DZIP1: variants seen among roughly 807,000 people sequenced by gnomAD.
DZIP1 encodes DAZ interacting zinc finger protein 1, also known as cilium assembly protein DZIP1.
In DZIP1, 97 loss-of-function variants were observed where a neutral mutation model predicts 107.6. The ratio of observed to expected loss-of-function variants is 0.90; its 90% confidence interval spans 0.77 to 1.07. The LOEUF (loss-of-function observed/expected upper bound fraction) is 1.07, where lower values mean the gene tolerates loss of function less well. DZIP1 is among the 50% of genes least tolerant of loss of function. DZIP1 has a pLI of 0.00. For synonymous variants in DZIP1, 390 were observed against 386.4 expected (o/e 1.01, Z -0.11); for missense variants, 1,035 against 1,063.6 (o/e 0.97, Z 0.37).
chr13:95,582,213 A>G lies in DZIP1; in HGVS notation c.*21T>C, dbSNP rs1332397847. 1 of 1,611,172 alleles carries G rather than the reference A, an allele frequency of 6.2e-7. No homozygotes were observed. The highest frequency in any genetic ancestry group is 8.5e-7 in the Non-Finnish European group (1 of 1,177,460). Reference sequence around the variant, plus strand: ...TACTGAAATACTGCTGGCTTCTGGAATAATCTTCTGACATGTGGAATTAGA... The same window carrying G: ...TACTGAAATACTGCTGGCTTCTGGAGTAATCTTCTGACATGTGGAATTAGA... On this transcript the variant is annotated 3_prime_UTR_variant, in exon 23 of 23. Coordinates refer to ENST00000376829, the MANE Select transcript of DZIP1 (RefSeq NM_198968.4).
chr13:95,582,636 A>G (rs2044040558), intron 22 of DZIP1, among the ~76,000 whole-genome samples: 1 of 152,260 alleles, frequency 6.6e-6, no homozygotes, highest in Non-Finnish European at 1.5e-5. Flanking sequence ...GAAGGTGCTC[A>G]GTACATTTGT....
chr13:95,614,349 G>A (rs977276832), intron 10 of DZIP1, among the ~76,000 whole-genome samples: 10 of 152,250 alleles, frequency 6.6e-5, no homozygotes, highest in African/African-American at 2.4e-4. Context: ...CAGGCCCCTG[G>A]AAAAGTGGCC....
Position 95,590,410 on chromosome 13 carries a change from T to C in DZIP1, c.1712A>G (p.His571Arg). ...TGATTCCACACTTTTTAGTACTCTA[T>C]GCAACTGATCACTTGAAATGCCACG... ...DIRGISSDQL[H>R]RVLKSVESER... The change falls in exon 17 of 23, where the codon CAT (histidine) becomes CGT (arginine). Residue 571 changes from histidine to arginine, a missense_variant. Transcript: ENST00000376829. 6.2e-7 allele frequency: 1 copy of C among 1,611,436 alleles called. No homozygotes were observed. Among genetic ancestry groups the C allele is most frequent in the Non-Finnish European group, 8.5e-7 (1 of 1,179,408 alleles).
In DZIP1 at chr13:95,587,701, GCTC is replaced by G. The variant is rs2044200932; in HGVS notation, c.2053_2055del (p.Glu685del). 6.2e-7 allele frequency: 1 copy of G among 1,613,940 alleles called. No homozygotes were observed. The highest frequency in any genetic ancestry group is 8.5e-7 in the Non-Finnish European group (1 of 1,180,006). On this transcript the variant is annotated inframe_deletion, in exon 20 of 23. Coordinates refer to ENST00000376829, the MANE Select transcript of DZIP1 (RefSeq NM_198968.4). ...GCCCGGATGAGGTCGTCGTCCTCCT[GCTC>G]CTCCTCTGAACTAAAAGGAGGGGTC...
At chr13:95,609,159 C>T (rs961617537) in intron 13 of DZIP1, among the ~76,000 whole-genome samples, 39 of 152,286 alleles carry the variant, frequency 2.6e-4, no homozygotes, top group South Asian at 4.1e-4. Context: ...TAGTGTATCA[C>T]TTTGAGAAGT....
At chr13:95,584,032 AG>A in intron 22 of DZIP1, among the ~76,000 whole-genome samples, 1 of 151,958 alleles carries the variant, frequency 6.6e-6, no homozygotes, top group East Asian at 1.9e-4. Context: ...GCTGGAGTGC[AG>A]TGGCGTGATC....
chr13:95,636,319 G>C (rs1356814898), intron 5 of DZIP1, among the ~76,000 whole-genome samples: 1 of 152,080 alleles, frequency 6.6e-6, no homozygotes, highest in Non-Finnish European at 1.5e-5. Flanking sequence ...AAGGTGGGTG[G>C]ATCACCTGAG....
intron 19 of DZIP1, 109 bp downstream of exon 19, chr13:95,589,045 A>G: frequency 1.1e-6 from 1 of 883,396 alleles, no homozygotes; most frequent in Non-Finnish European, 1.8e-6. Flanking sequence ...TTATGATATT[A>G]AATAATTACG....
At chr13:95,596,082 T>C (rs2044449608) in intron 15 of DZIP1, among the ~76,000 whole-genome samples, 1 of 152,110 alleles carries the variant, frequency 6.6e-6, no homozygotes, top group South Asian at 2.1e-4. Flanking sequence ...TAGAGCACCC[T>C]TGGTAAAGAT....
In DZIP1 at chr13:95,641,629, G is replaced by A; in HGVS notation, c.263C>T (p.Thr88Met). The change falls in exon 5 of 23, where the codon ACG becomes ATG. Residue 88 changes from threonine to methionine, a missense_variant. Transcript: ENST00000376829. The surrounding 1 kb of genome is among the most constrained non-coding windows in gnomAD (Gnocchi z 4.3). The part of the protein sequence containing the change: ...DKVAGAVDVL[T>M]LQENIMNITF... ...GATGTTCATGATGTTCTCCTGCAGCGTCAGCACGTCCACAGCCCCCGCCAC... is the reference window on the plus strand; with the variant it reads ...GATGTTCATGATGTTCTCCTGCAGCATCAGCACGTCCACAGCCCCCGCCAC... The A allele has an allele frequency of 6.2e-7, 1 of 1,611,202 alleles. No individual in the cohort carries two copies. The highest frequency in any genetic ancestry group is 8.5e-7 in the Non-Finnish European group (1 of 1,180,024).
At chr13:95,626,886 G>C (rs1876605874) in intron 7 of DZIP1, among the ~76,000 whole-genome samples, 1 of 152,130 alleles carries the variant, frequency 6.6e-6, no homozygotes, top group African/African-American at 2.4e-5. Context: ...TAAATGGAAA[G>C]ACATCCCATG....
chr13:95,624,687 G>T, intron 8 of DZIP1, 81 bp downstream of exon 8: 1 of 1,253,358 alleles, frequency 8.0e-7, no homozygotes, highest in Non-Finnish European at 1.1e-6. Flanking sequence ...AGTAACTGCT[G>T]GATCCCCTGG....
intron 7 of DZIP1, among the ~76,000 whole-genome samples, chr13:95,625,544 A>G (rs1403967409): frequency 6.6e-6 from 1 of 152,206 alleles, no homozygotes; most frequent in Non-Finnish European, 1.5e-5. Flanking sequence ...TTAAGTCCAT[A>G]AAGTGTTTCT....
intron 9 of DZIP1, among the ~76,000 whole-genome samples, chr13:95,621,180 C>T (rs1169310550): frequency 4.6e-5 from 7 of 152,070 alleles, no homozygotes; most frequent in South Asian, 4.1e-4. Flanking sequence ...AGACAGGTCC[C>T]GAAAACTGGG....
intron 16 of DZIP1, among the ~76,000 whole-genome samples, chr13:95,592,766 C>A (rs910173817): frequency 2.6e-5 from 4 of 152,122 alleles, no homozygotes; most frequent in Admixed American, 1.3e-4. Flanking sequence ...TATATTCACA[C>A]AATAGAATGC....
chr13:95,589,954 G>A (rs1566364213), intron 17 of DZIP1, 22 bp from the exon 18 acceptor site: 1 of 1,610,994 alleles, frequency 6.2e-7, no homozygotes, highest in Non-Finnish European at 8.5e-7. Context: ...TGTCATTCAT[G>A]AGTCTCCATT....
chr13:95,588,901 G>A (rs1431495891), intron 19 of DZIP1, among the ~76,000 whole-genome samples: 1 of 152,190 alleles, frequency 6.6e-6, no homozygotes, highest in Non-Finnish European at 1.5e-5. Flanking sequence ...ATTGTAGGGG[G>A]ATGGACATAA....
intron 13 of DZIP1, 88 bp downstream of exon 13, chr13:95,609,369 A>G: frequency 1.2e-6 from 1 of 848,418 alleles, no homozygotes; most frequent in Non-Finnish European, 1.7e-6. Flanking sequence ...TTCAAAGAAA[A>G]GCCTCTAAAA....
At chr13:95,624,116 G>A (rs1016445907) in intron 8 of DZIP1, among the ~76,000 whole-genome samples, 2 of 152,286 alleles carry the variant, frequency 1.3e-5, no homozygotes, top group African/African-American at 4.8e-5. Context: ...TATAAAACTT[G>A]TTGGCCCCTA....
Sources: gnomAD v4.1 joint callset for allele counts (sites outside exome capture counted in the v4.1 genomes callset) on GRCh38, gnomAD v4.1.1 for gene constraint, Gnocchi (gnomAD v3.1) non-coding constraint, MANE v1.5 for transcripts, NCBI Gene and HGNC (gene_info 2026-07-23, HGNC 2026-07-21) for gene names.